XPO1: variants seen among roughly 807,000 people sequenced by gnomAD.
XPO1 encodes exportin-1.
In XPO1, 5 loss-of-function variants were observed where a neutral mutation model predicts 133.3. The ratio of observed to expected loss-of-function variants is 0.04; its 90% CI spans 0.02 to 0.08. XPO1 has a LOEUF of 0.08. Among genes scored for constraint, XPO1 ranks in the 10% least tolerant of loss-of-function variants. XPO1 has a pLI of 1.00. For missense variants in XPO1, 506 were observed against 1,267.5 expected (o/e 0.40, Z 9.12); for synonymous variants, 419 against 408.2 (o/e 1.03, Z -0.32).
At chr2:61,522,389 G>A (rs1456169653) in intron 4 of XPO1, among the ~76,000 whole-genome samples, 1 of 152,134 alleles carries the variant, frequency 6.6e-6, no homozygotes, top group Non-Finnish European at 1.5e-5. Context: ...TATTGTCAGA[G>A]TTTTCAACAG....
At chr2:61,503,854 A>C (rs911117639) in intron 4 of XPO1, among the ~76,000 whole-genome samples, 5 of 152,216 alleles carry the variant, frequency 3.3e-5, no homozygotes. Context: ...GGCATGAGCC[A>C]CCAGGCCTGG....
At chr2:61,501,366 G>C (rs2104519950) in intron 6 of XPO1, among the ~76,000 whole-genome samples, 1 of 152,156 alleles carries the variant, frequency 6.6e-6, no homozygotes, top group Middle Eastern at 3.4e-3. Context: ...AGAAGGACGA[G>C]GAAATCAAAG....
At chr2:61,520,888 A>AAGAATT in intron 4 of XPO1, among the ~76,000 whole-genome samples, 1 of 152,340 alleles carries the variant, frequency 6.6e-6, no homozygotes, top group South Asian at 2.1e-4. Flanking sequence ...GACCATGGCC[A>AAGAATT]AAATTAAATC....
At position 61,538,217 on chromosome 2, in the gene XPO1, G is replaced by A; in HGVS notation, c.-662C>T. 5.3e-6 allele frequency: 1 copy of A among 188,478 alleles called. No homozygotes were observed. Among genetic ancestry groups the A allele is most frequent in the South Asian group, 1.8e-4 (1 of 5,558 alleles). The allele number at this position is 188,478 out of a possible 1,614,324, so 11.7% of individuals were successfully genotyped here. Reference sequence around the variant, plus strand: ...TCTTGCTGATGCTGTAGCTCCCGCTGCTCCTGCCGCGGCCGCTGCAGCCGC... The same window carrying A: ...TCTTGCTGATGCTGTAGCTCCCGCTACTCCTGCCGCGGCCGCTGCAGCCGC... On this transcript the variant is annotated 5_prime_UTR_variant, in exon 1 of 25. Transcript: ENST00000401558.
rs182993013 is a variant in XPO1, at chr2:61,532,376, G to A, written c.126+1396C>T. ...TCTCCTGACCTCGTCATCCGCCGGC[G>A]TCGGCCTCTCAAAGTGCTGGGATTA... On this transcript the variant is annotated intron_variant, in intron 2 of 24. Transcript: ENST00000401558. Among the ~76,000 whole-genome samples the A allele has an allele frequency of 8.2e-3, 1,239 of 151,904 alleles. 15 individuals carry two copies. The highest frequency in any genetic ancestry group is 0.027 in the African/African-American group (1,129 of 41,460).
intron 7 of XPO1, 29 bp from the exon 8 acceptor site, chr2:61,498,942 G>C (rs2104495659): frequency 6.5e-7 from 1 of 1,549,534 alleles, no homozygotes; most frequent in Non-Finnish European, 8.7e-7. Context: ...AAAAATATCA[G>C]ATTTAGAAGA....
intron 2 of XPO1, among the ~76,000 whole-genome samples, chr2:61,528,284 T>C (rs1443648455): frequency 6.6e-6 from 1 of 152,042 alleles, no homozygotes. Context: ...ACGGCATGTG[T>C]GTAAATTTCA....
At chr2:61,528,238 C>G (rs1698992881) in intron 2 of XPO1, among the ~76,000 whole-genome samples, 1 of 151,962 alleles carries the variant, frequency 6.6e-6, no homozygotes, top group South Asian at 2.1e-4. Context: ...TGGCTTTCAT[C>G]ATGAACTTAG....
intron 21 of XPO1, chr2:61,483,558 A>G (rs1235526235): frequency 3.2e-5 from 6 of 184,752 alleles, no homozygotes; most frequent in African/African-American, 1.4e-4. Context: ...TGAAATAAAA[A>G]AAGAACCTCA....
intron 23 of XPO1, 69 bp from the exon 24 acceptor site, chr2:61,481,350 CCA>C: frequency 8.0e-6 from 10 of 1,248,886 alleles, no homozygotes; most frequent in Non-Finnish European, 1.1e-5. Flanking sequence ...TGCTCTGTCA[CCA>C]GGCTGGAGTA....
chr2:61,528,733 TTATATATATATATATATA>T (rs10528074), intron 2 of XPO1, among the ~76,000 whole-genome samples: 1,707 of 115,808 alleles, frequency 0.015, 45 homozygotes, highest in African/African-American at 0.038. Context: ...GACATTTTAT[TTATATATATATATATATA>T]TATATATATA....
At chr2:61,511,592 T>C (rs910530021) in intron 4 of XPO1, among the ~76,000 whole-genome samples, 1 of 152,184 alleles carries the variant, frequency 6.6e-6, no homozygotes, top group African/African-American at 2.4e-5. Context: ...TCTGTATTTT[T>C]AGTAGAGAGA....
At position 61,498,925 on chromosome 2, in the gene XPO1, AAC is replaced by A. The variant is rs766920888; in HGVS notation, c.591-14_591-13del. The A allele has an allele frequency of 4.0e-4, 629 of 1,572,370 alleles. No homozygotes were observed. In the African/African-American group the frequency reaches 7.1e-3, roughly 18 times the overall value. ...ATTCATTGCACATGCTAAAAAAAAAAACACACAAAAATATCAGATTTAGAAGA... is the reference window on the plus strand; with the variant it reads ...ATTCATTGCACATGCTAAAAAAAAAAACACAAAAATATCAGATTTAGAAGA... On this transcript the variant is annotated splice_polypyrimidine_tract_variant and intron_variant, in intron 7 of 24. Coordinates refer to ENST00000401558, the MANE Select transcript of XPO1 (RefSeq NM_003400.4).
chr2:61,483,164 A>G (rs1198799069), intron 21 of XPO1, 73 bp from the exon 22 acceptor site: 1 of 1,498,760 alleles, frequency 6.7e-7, no homozygotes, highest in South Asian at 1.3e-5. Flanking sequence ...AGCTCTTATC[A>G]AAGTATTCTG....
intron 16 of XPO1, among the ~76,000 whole-genome samples, chr2:61,491,780 G>T (rs1411918190): frequency 6.6e-6 from 1 of 151,800 alleles, no homozygotes; most frequent in Non-Finnish European, 1.5e-5. Flanking sequence ...CATGCCTGTA[G>T]TCCCAGCTAC....
intron 3 of XPO1, among the ~76,000 whole-genome samples, chr2:61,523,793 TCAAA>T (rs1321755377): frequency 7.9e-5 from 12 of 152,220 alleles, no homozygotes; most frequent in East Asian, 1.9e-4. Flanking sequence ...TACATTGTGC[TCAAA>T]CAGTGAATGT....
chr2:61,485,490 A>G (rs1189069908), intron 20 of XPO1: 1 of 79,950 alleles, frequency 1.3e-5, no homozygotes, highest in Admixed American at 1.4e-4. Flanking sequence ...CCCCCACTTC[A>G]GCCTTTCGAG....
At chr2:61,525,649 T>G (rs1698879574) in intron 3 of XPO1, 1 of 1,023,160 alleles carries the variant, frequency 9.8e-7, no homozygotes, top group Admixed American at 5.8e-5. Context: ...CACTGTTATG[T>G]TACTTAAGGT....
chr2:61,503,265 C>CT (rs1163826130), intron 4 of XPO1, among the ~76,000 whole-genome samples: 4 of 150,564 alleles, frequency 2.7e-5, no homozygotes, highest in Non-Finnish European at 4.4e-5. Flanking sequence ...CCTTTTCTTT[C>CT]TTTTTTTTGG....
Sources: allele counts gnomAD v4.1 joint callset (sites outside exome capture counted in the v4.1 genomes callset), GRCh38; gene constraint gnomAD v4.1.1; transcripts MANE v1.5; gene names NCBI Gene and HGNC (gene_info 2026-07-23, HGNC 2026-07-21).